The following CIROZ variants were observed in gnomAD, a reference collection of about 807,000 sequenced individuals.
CIROZ encodes ciliated left-right organizer protein containing ZP-N domains, also known as ciliated left-right organizer ZP-N domains-containing protein.
chr1:10,955,844 CAAA>C, the CIROZ span, among the ~76,000 whole-genome samples: 8 of 98,422 alleles, frequency 8.1e-5, no homozygotes, highest in East Asian at 2.7e-4. Flanking sequence ...AACTCCATCT[CAAA>C]AAAAAAAAAA....
chr1:10,954,429 G>C, the CIROZ span, among the ~76,000 whole-genome samples: 1 of 149,490 alleles, frequency 6.7e-6, no homozygotes, highest in South Asian at 2.1e-4. Flanking sequence ...ACTCCAGCCT[G>C]GGCAACAGAG....
the CIROZ span, chr1:10,947,862 G>A: frequency 1.2e-5 from 20 of 1,608,668 alleles, no homozygotes; most frequent in African/African-American, 2.7e-5. Context: ...CAGGGTTTGC[G>A]TGGATGGAGG....
the CIROZ span, chr1:10,948,919 C>A: frequency 7.2e-7 from 1 of 1,385,498 alleles, no homozygotes; most frequent in Non-Finnish European, 9.5e-7. Context: ...CCCTGAGAAT[C>A]TCAACCCAAA....
chr1:10,981,114 T>A, the CIROZ span, among the ~76,000 whole-genome samples: 1 of 152,164 alleles, frequency 6.6e-6, no homozygotes, highest in East Asian at 1.9e-4. Flanking sequence ...TAAAAATGCA[T>A]CTCAGATGGG....
At chr1:10,961,990 GTCA>G in the CIROZ span, among the ~76,000 whole-genome samples, 1 of 152,184 alleles carries the variant, frequency 6.6e-6, no homozygotes, top group African/African-American at 2.4e-5. Flanking sequence ...AATGGTGTTT[GTCA>G]TCAGCAGCCT....
the CIROZ span, chr1:10,947,758 G>A: frequency 6.3e-7 from 1 of 1,593,466 alleles, no homozygotes; most frequent in Non-Finnish European, 8.6e-7. Flanking sequence ...GGCTCTGTCA[G>A]CTCCTGCTGG....
chr1:10,952,540 T>A, the CIROZ span, among the ~76,000 whole-genome samples: 1 of 152,196 alleles, frequency 6.6e-6, no homozygotes, highest in Non-Finnish European at 1.5e-5. Context: ...TTGGTTTTGT[T>A]TCTGTTTTGA....
chr1:10,950,977 G>A, the CIROZ span, among the ~76,000 whole-genome samples: 5 of 152,088 alleles, frequency 3.3e-5, no homozygotes, highest in African/African-American at 1.2e-4. Context: ...GTGGCTGCGG[G>A]TTCCCAGGAT....
chr1:10,948,123 C>T, the CIROZ span: 1 of 1,613,552 alleles, frequency 6.2e-7, no homozygotes, highest in African/African-American at 1.3e-5. Flanking sequence ...CTGCCTCACA[C>T]TTGGGGTGGA....
At chr1:10,948,824 C>T in the CIROZ span, 110 of 1,510,304 alleles carry the variant, frequency 7.3e-5, no homozygotes, top group Non-Finnish European at 8.9e-5. Flanking sequence ...TGGCTGTTTG[C>T]AGGAATGGTC....
the CIROZ span, among the ~76,000 whole-genome samples, chr1:10,962,025 T>C: frequency 6.6e-6 from 1 of 152,186 alleles, no homozygotes; most frequent in Non-Finnish European, 1.5e-5. Flanking sequence ...CCTCCTCCTC[T>C]CAGTTCTGCC....
At chr1:10,951,078 C>T in the CIROZ span, among the ~76,000 whole-genome samples, 2 of 152,144 alleles carry the variant, frequency 1.3e-5, no homozygotes, top group Non-Finnish European at 2.9e-5. Flanking sequence ...TCCCCACTGT[C>T]CCGCCGCTGA....
the CIROZ span, chr1:10,949,223 CAA>C: frequency 0.014 from 1,977 of 145,902 alleles, no homozygotes; most frequent in South Asian, 0.034. Flanking sequence ...GACCCCATCT[CAA>C]AAAAAAAAAA....
At chr1:10,977,182 C>T in the CIROZ span, among the ~76,000 whole-genome samples, 1 of 151,988 alleles carries the variant, frequency 6.6e-6, no homozygotes, top group Admixed American at 6.6e-5. Context: ...TGTGAGCCAC[C>T]ATGCCTGGCC....
At chr1:10,976,602 G>T in the CIROZ span, among the ~76,000 whole-genome samples, 1 of 151,366 alleles carries the variant, frequency 6.6e-6, no homozygotes, top group Non-Finnish European at 1.5e-5. Context: ...CACCCGCCTC[G>T]GCCTCCCAAA....
the CIROZ span, chr1:10,957,863 G>A: frequency 4.7e-6 from 6 of 1,289,296 alleles, no homozygotes; most frequent in South Asian, 1.4e-5. Flanking sequence ...CAGGGTCACG[G>A]GGAGGATAAT....
the CIROZ span, among the ~76,000 whole-genome samples, chr1:10,950,219 A>G: frequency 6.6e-6 from 1 of 151,882 alleles, no homozygotes; most frequent in East Asian, 1.9e-4. Context: ...TATTTTTAGT[A>G]GAGATGGGTT....
At chr1:10,976,312 C>A in the CIROZ span, 13 of 1,044,614 alleles carry the variant, frequency 1.2e-5, no homozygotes, top group Non-Finnish European at 1.8e-5. Context: ...GCTGCCTCAT[C>A]TACCTTCATT....
the CIROZ span, among the ~76,000 whole-genome samples, chr1:10,966,834 G>A: frequency 6.6e-6 from 1 of 152,012 alleles, no homozygotes; most frequent in Non-Finnish European, 1.5e-5. Context: ...TAGGCAGATT[G>A]TGTCTCTCCT....
Sources: allele counts gnomAD v4.1 joint callset (sites outside exome capture counted in the v4.1 genomes callset), GRCh38; gene constraint gnomAD v4.1.1; transcripts MANE v1.5; gene names NCBI Gene and HGNC (gene_info 2026-07-23, HGNC 2026-07-21).